Variants in DOCK3 observed in about 807,000 individuals in gnomAD.
DOCK3 encodes the protein dedicator of cytokinesis 3.
A neutral mutation model predicts 265.6 loss-of-function variants in DOCK3; 60 were observed. The observed-to-expected ratio is 0.23, with a 90% CI of 0.18 to 0.28. The LOEUF (loss-of-function observed/expected upper bound fraction) is 0.28, where lower values mean the gene tolerates loss of function less well. Ranked by LOEUF, DOCK3 falls within the 10% of genes least tolerant of loss-of-function variation. The pLI is 1.00. For missense variants in DOCK3, 1,981 were observed against 2,594.3 expected, an observed-to-expected ratio of 0.76 and a Z score of 5.14; for synonymous variants, 881 against 938.0, an observed-to-expected ratio of 0.94 and a Z score of 1.11.
At chr3:51,054,121 T>TAA (rs35733959) in intron 5 of DOCK3, among the ~76,000 whole-genome samples, 1,278 of 84,958 alleles carry the variant, frequency 0.015, 31 homozygotes, top group African/African-American at 0.05. Flanking sequence ...CGTAGCTTCC[T>TAA]AAAAAAAAAA....
intron 1 of DOCK3, among the ~76,000 whole-genome samples, chr3:50,758,934 A>G (rs889410646): frequency 2.6e-5 from 4 of 152,174 alleles, no homozygotes; most frequent in East Asian, 1.9e-4. Context: ...ATGTTGTAGC[A>G]TGTCAAGATT....
chr3:51,348,889 C>T lies in DOCK3; in HGVS notation c.3953C>T (p.Ala1318Val), dbSNP rs1284256999. The change falls in exon 39 of 53, where the codon GCG becomes GTG. Residue 1318 changes from alanine to valine, a missense_variant. Ala to Val is a moderately conservative substitution (Grantham distance 64, BLOSUM62 0). Coordinates refer to ENST00000266037, the MANE Select transcript of DOCK3 (RefSeq NM_004947.5). ...GGGATCCCACTGTGCAGGGAGCTGG[C>T]GTGTCAGTACGAGAGCCTCTATGAT... is the stretch of plus-strand genomic sequence containing the variant. ...EFGIPLCREL[A>V]CQYESLYDYQ... is the part of the protein sequence containing the mutation. 24 of 1,584,674 alleles carry T rather than the reference C, an allele frequency of 1.5e-5. No homozygotes were observed. The highest frequency in any genetic ancestry group is 3.5e-5 in the South Asian group (3 of 86,442).
At chr3:50,800,097 T>C (rs1277463707) in intron 2 of DOCK3, among the ~76,000 whole-genome samples, 1 of 152,204 alleles carries the variant, frequency 6.6e-6, no homozygotes, top group East Asian at 1.9e-4. Context: ...GGTTTGCTAG[T>C]ATTTTGTCGA....
intron 5 of DOCK3, among the ~76,000 whole-genome samples, chr3:51,060,769 C>A (rs2081381653): frequency 6.6e-6 from 1 of 152,060 alleles, no homozygotes; most frequent in Admixed American, 6.6e-5. Context: ...GTTTTGGTAC[C>A]AGTACCATGC....
intron 2 of DOCK3, among the ~76,000 whole-genome samples, chr3:50,840,367 G>A (rs2045763670): frequency 6.6e-6 from 1 of 152,142 alleles, no homozygotes; most frequent in African/African-American, 2.4e-5. Context: ...TAAGGTCTAC[G>A]ATCCATTTTG....
intron 2 of DOCK3, among the ~76,000 whole-genome samples, chr3:50,814,416 C>T (rs1307959923): frequency 7.7e-6 from 1 of 130,212 alleles, no homozygotes; most frequent in Non-Finnish European, 1.6e-5. Flanking sequence ...ACAGGCACAC[C>T]CCACCATGCC....
intron 5 of DOCK3, among the ~76,000 whole-genome samples, chr3:51,026,407 A>G (rs956685467): frequency 1.4e-5 from 2 of 146,844 alleles, no homozygotes; most frequent in Non-Finnish European, 3.0e-5. Context: ...TTTTGCATCT[A>G]TGTTTATCAG....
chr3:50,750,827 T>A (rs2039753918), intron 1 of DOCK3, among the ~76,000 whole-genome samples: 1 of 152,166 alleles, frequency 6.6e-6, no homozygotes, highest in Non-Finnish European at 1.5e-5. Flanking sequence ...GTGTGTGCTA[T>A]AGAATGTAAA....
intron 2 of DOCK3, among the ~76,000 whole-genome samples, chr3:50,820,874 G>A (rs1042439024): frequency 7.0e-6 from 1 of 143,718 alleles, no homozygotes; most frequent in African/African-American, 2.6e-5. Context: ...TCTGAGTGGT[G>A]TGAGATGGTA....
intron 9 of DOCK3, among the ~76,000 whole-genome samples, chr3:51,121,685 G>C (rs1465518347): frequency 1.3e-5 from 2 of 152,166 alleles, no homozygotes; most frequent in African/African-American, 4.8e-5. Context: ...GAAATGTAAA[G>C]GTCTGGATCA....
intron 1 of DOCK3, among the ~76,000 whole-genome samples, chr3:50,718,649 G>C (rs1175414786): frequency 6.6e-6 from 1 of 151,714 alleles, no homozygotes; most frequent in Non-Finnish European, 1.5e-5. Context: ...TTATATTTCT[G>C]AATTAATCTT....
At chr3:51,111,154 C>G (rs1021385869) in intron 9 of DOCK3, among the ~76,000 whole-genome samples, 1 of 152,054 alleles carries the variant, frequency 6.6e-6, no homozygotes, top group Admixed American at 6.6e-5. Context: ...ATGAGAATTA[C>G]AAAACACTGT....
chr3:51,059,846 C>G (rs58293845), intron 5 of DOCK3, among the ~76,000 whole-genome samples: 3,792 of 151,966 alleles, frequency 0.025, 183 homozygotes, highest in African/African-American at 0.087. Context: ...CCCCTTTTTT[C>G]CCCAGGATCC....
At chr3:50,835,627 A>G (rs1278186371) in intron 2 of DOCK3, among the ~76,000 whole-genome samples, 2 of 152,124 alleles carry the variant, frequency 1.3e-5, no homozygotes, top group Non-Finnish European at 2.9e-5. Context: ...AAGATTTTTT[A>G]TTAGCCAGTT....
Position 51,037,905 on chromosome 3 carries a change from C to T in DOCK3, c.316-26543C>T, listed in dbSNP as rs144026276. On this transcript the variant is annotated intron_variant, in intron 5 of 52. Coordinates refer to ENST00000266037, the MANE Select transcript of DOCK3 (RefSeq NM_004947.5). The stretch of plus-strand genomic sequence containing the variant: ...TGTTTAGGAACCAGTGTGAATTCAT[C>T]TAAAGAAAAATGTGTCAGCCAGAGG... 7.3e-3 allele frequency among the ~76,000 whole-genome samples: 1,110 copies of T among 152,152 alleles called. 7 individuals are homozygous for T. Among genetic ancestry groups the T allele is most frequent in the African/African-American group, 0.01 (429 of 41,502 alleles).
chr3:50,712,504 A>G (rs929051966), intron 1 of DOCK3, among the ~76,000 whole-genome samples: 1 of 151,942 alleles, frequency 6.6e-6, no homozygotes, highest in Admixed American at 6.6e-5. Flanking sequence ...CGCCTGGCTA[A>G]TTTTTGTATC....
chr3:51,017,834 T>C (rs2079413602), intron 5 of DOCK3, among the ~76,000 whole-genome samples: 1 of 151,902 alleles, frequency 6.6e-6, no homozygotes, highest in East Asian at 1.9e-4. Context: ...GCTTTCCAAA[T>C]AGTTATGCAA....
At chr3:51,086,550 C>G (rs1418120109) in intron 7 of DOCK3, among the ~76,000 whole-genome samples, 3 of 152,222 alleles carry the variant, frequency 2.0e-5, no homozygotes, top group African/African-American at 7.2e-5. Flanking sequence ...GGAGTCCCAG[C>G]ACTTTGGGAG....
At chr3:50,679,819 A>G (rs1049187613) in intron 1 of DOCK3, among the ~76,000 whole-genome samples, 2 of 152,342 alleles carry the variant, frequency 1.3e-5, no homozygotes, top group Non-Finnish European at 2.9e-5. Context: ...TCATAGACCT[A>G]TGACTTTATT....
Sources: allele counts gnomAD v4.1 joint callset (sites outside exome capture counted in the v4.1 genomes callset), GRCh38; gene constraint gnomAD v4.1.1; transcripts MANE v1.5; gene names NCBI Gene and HGNC (gene_info 2026-07-23, HGNC 2026-07-21).